ICA1: variants seen among roughly 807,000 people sequenced by gnomAD.
ICA1 encodes islet cell autoantigen 1, also known as 69 kDa islet cell autoantigen.
Under a neutral mutation model 71.0 loss-of-function variants are expected in ICA1, and 40 were observed. The ratio of observed to expected loss-of-function variants is 0.56; its 90% CI spans 0.44 to 0.73. The LOEUF is 0.73. ICA1 is among the 30% of genes least tolerant of loss of function. The probability of loss-of-function intolerance (pLI) is 0.00; values close to 1 mark genes in which losing one functional copy is unlikely to be tolerated. For synonymous variants in ICA1, 207 were observed against 209.5 expected (o/e 0.99, Z 0.10); for missense variants, 578 against 576.5 (o/e 1.00, Z -0.03).
At chr7:8,145,320 G>A (rs1796498501) in intron 8 of ICA1, among the ~76,000 whole-genome samples, 1 of 152,088 alleles carries the variant, frequency 6.6e-6, no homozygotes, top group Non-Finnish European at 1.5e-5. Context: ...CCAAACATGA[G>A]CTTTCTTTCA....
At chr7:8,231,635 G>A (rs1800310907) in intron 3 of ICA1, among the ~76,000 whole-genome samples, 1 of 152,108 alleles carries the variant, frequency 6.6e-6, no homozygotes, top group Non-Finnish European at 1.5e-5. Flanking sequence ...TACAATAGTA[G>A]CCCAGATCCA....
chr7:8,256,744 C>G (rs1176160462), intron 1 of ICA1, among the ~76,000 whole-genome samples: 2 of 152,190 alleles, frequency 1.3e-5, no homozygotes, highest in African/African-American at 4.8e-5. Context: ...CCCATGAGTA[C>G]AGGGACCCTC....
At chr7:8,152,807 CA>C (rs1799828646) in intron 8 of ICA1, among the ~76,000 whole-genome samples, 1 of 148,508 alleles carries the variant, frequency 6.7e-6, no homozygotes, top group Admixed American at 6.7e-5. Flanking sequence ...CCACCACCAC[CA>C]CCACCATCTC....
intron 8 of ICA1, among the ~76,000 whole-genome samples, chr7:8,152,596 C>A (rs925544312): frequency 7.0e-6 from 1 of 142,468 alleles, no homozygotes; most frequent in East Asian, 2.0e-4. Context: ...ACCACCACTA[C>A]CCCCAGCACT....
rs1280198189 is a variant in ICA1 at position 8,157,171 on chromosome 7, G to C, written c.749C>G (p.Ala250Gly). The C allele has an allele frequency of 6.2e-7, 1 of 1,609,888 alleles. No individual in the cohort carries two copies. The highest frequency in any genetic ancestry group is 1.7e-5 in the Admixed American group (1 of 58,928). The change falls in exon 8 of 14, where the codon GCA (alanine) becomes GGA (glycine). Residue 250 changes from alanine to glycine, a missense_variant. Physicochemically the swap from Ala to Gly is moderately conservative, Grantham distance 60 (BLOSUM62 0). Coordinates refer to ENST00000402384, the MANE Select transcript of ICA1 (RefSeq NM_001136020.3). ...HFWEKTSHTM[A>G]AIHESFKGYQ... ...ACCTTTGAAACTCTCATGGATGGCT[G>C]CCATAGTGTGAGAAGTTTTCTCCCA...
At chr7:8,217,205 G>T (rs953735318) in intron 6 of ICA1, among the ~76,000 whole-genome samples, 1 of 152,160 alleles carries the variant, frequency 6.6e-6, no homozygotes, top group Non-Finnish European at 1.5e-5. Flanking sequence ...AGATGTTGCT[G>T]ACACATGAAG....
At chr7:8,219,728 A>G (rs1388237133) in intron 5 of ICA1, among the ~76,000 whole-genome samples, 1 of 152,226 alleles carries the variant, frequency 6.6e-6, no homozygotes, top group Non-Finnish European at 1.5e-5. Flanking sequence ...TGTTGCAATG[A>G]CTACCAAATA....
intron 6 of ICA1, among the ~76,000 whole-genome samples, chr7:8,181,776 A>G (rs973715057): frequency 6.6e-6 from 1 of 152,222 alleles, no homozygotes; most frequent in Non-Finnish European, 1.5e-5. Context: ...AATGTGAGGC[A>G]TGAATAGTAT....
At chr7:8,251,204 T>C (rs1276013106) in intron 1 of ICA1, among the ~76,000 whole-genome samples, 1 of 152,148 alleles carries the variant, frequency 6.6e-6, no homozygotes, top group East Asian at 1.9e-4. Context: ...TTTTAAATGA[T>C]TGTTTTATTT....
intron 1 of ICA1, among the ~76,000 whole-genome samples, chr7:8,256,198 C>T (rs554635756): frequency 3.2e-4 from 48 of 152,316 alleles, no homozygotes; most frequent in African/African-American, 1.1e-3. Context: ...ATCTGTGTAC[C>T]TGTCCATTCC....
At chr7:8,208,023 T>C (rs1359429841) in intron 6 of ICA1, among the ~76,000 whole-genome samples, 2 of 152,168 alleles carry the variant, frequency 1.3e-5, no homozygotes, top group Admixed American at 6.6e-5. Flanking sequence ...TTGTTGAGGG[T>C]TAACAAAAAT....
Position 8,144,420 on chromosome 7 carries a change from G to A in ICA1, c.805-448C>T, listed in dbSNP as rs943318572. ...TTTCATTTTGTTTTAAATTTTGTTT[G>A]CTATTTTGCAATCTAAAACCCAGTT... On this transcript the variant is annotated intron_variant, in intron 8 of 13. Transcript: ENST00000402384. This position sits in a 1 kb window ranked among gnomAD's most constrained non-coding sequence, Gnocchi z 4.5. 2.0e-5 allele frequency among the ~76,000 whole-genome samples: 3 copies of A among 152,122 alleles called. No individual in the cohort carries two copies. The highest frequency in any genetic ancestry group is 7.2e-5 in the African/African-American group (3 of 41,412).
At chr7:8,151,919 T>G (rs1247602354) in intron 8 of ICA1, among the ~76,000 whole-genome samples, 1 of 152,224 alleles carries the variant, frequency 6.6e-6, no homozygotes, top group African/African-American at 2.4e-5. Context: ...TTTTTGAACA[T>G]GTTCAGAGTT....
chr7:8,261,597 C>CA (rs1404654615), intron 1 of ICA1, among the ~76,000 whole-genome samples: 1 of 151,950 alleles, frequency 6.6e-6, no homozygotes, highest in African/African-American at 2.4e-5. Flanking sequence ...CCGCCCCTGC[C>CA]AAAAAAAGGG....
chr7:8,217,942 A>G (rs549760457), intron 6 of ICA1, among the ~76,000 whole-genome samples: 4 of 152,346 alleles, frequency 2.6e-5, no homozygotes, highest in Admixed American at 2.0e-4. Context: ...AGCGATTTTA[A>G]AAGATTTCCC....
intron 8 of ICA1, among the ~76,000 whole-genome samples, chr7:8,152,819 CTTCA>C (rs1799872322): frequency 6.8e-6 from 1 of 147,724 alleles, no homozygotes; most frequent in African/African-American, 2.5e-5. Context: ...CCACCATCTC[CTTCA>C]ACACCACTAC....
intron 1 of ICA1, among the ~76,000 whole-genome samples, chr7:8,256,779 C>G (rs923607436): frequency 6.6e-6 from 1 of 152,172 alleles, no homozygotes; most frequent in African/African-American, 2.4e-5. Context: ...CTCCTTAGCA[C>G]CAAGCATGGC....
chr7:8,228,064 T>C (rs1014934055), intron 4 of ICA1, among the ~76,000 whole-genome samples: 40 of 152,324 alleles, frequency 2.6e-4, no homozygotes, highest in African/African-American at 9.4e-4. Context: ...CTTAAAAATG[T>C]ACAAACACAT....
intron 13 of ICA1, among the ~76,000 whole-genome samples, chr7:8,125,043 C>T (rs532319862): frequency 6.6e-6 from 1 of 152,308 alleles, no homozygotes; most frequent in South Asian, 2.1e-4. Flanking sequence ...CCCACCTCCG[C>T]CTCCTAAAGT....
Sources: allele counts gnomAD v4.1 joint callset (sites outside exome capture counted in the v4.1 genomes callset), GRCh38; gene constraint gnomAD v4.1.1; non-coding constraint Gnocchi (gnomAD v3.1); transcripts MANE v1.5; gene names NCBI Gene and HGNC (gene_info 2026-07-23, HGNC 2026-07-21).